ESR2: variants seen among roughly 807,000 people sequenced by gnomAD.
The protein encoded by ESR2 is estrogen receptor beta.
In ESR2, 36 loss-of-function variants were observed where a neutral mutation model predicts 49.6. That is an observed-to-expected ratio of 0.73 (90% confidence interval 0.56 to 0.96). The LOEUF (loss-of-function observed/expected upper bound fraction) is 0.96, where lower values mean the gene tolerates loss of function less well. ESR2 is among the 40% of genes least tolerant of loss of function. ESR2 has a pLI of 0.00. For synonymous variants in ESR2, 320 were observed against 266.1 expected (o/e 1.20, Z -1.97); for missense variants, 714 against 693.0 (o/e 1.03, Z -0.34).
chr14:64,305,168 G>A (rs957204412), intron 1 of ESR2, among the ~76,000 whole-genome samples: 1 of 150,782 alleles, frequency 6.6e-6, no homozygotes, highest in Non-Finnish European at 1.5e-5. Flanking sequence ...GCGGGCGCCT[G>A]TAGTCCCAGC....
chr14:64,334,321 T>A (rs771969638), intron 1 of ESR2, among the ~76,000 whole-genome samples: 9 of 152,214 alleles, frequency 5.9e-5, no homozygotes, highest in Non-Finnish European at 1.5e-5. Flanking sequence ...GAGACACTGA[T>A]TGACTGAGGA....
intron 6 of ESR2, among the ~76,000 whole-genome samples, chr14:64,253,984 C>T (rs569267685): frequency 7.2e-5 from 11 of 151,946 alleles, no homozygotes; most frequent in Non-Finnish European, 1.3e-4. Context: ...TAGATCTTCA[C>T]GTGAATTTAT....
chr14:64,310,324 G>A (rs2077173324), intron 1 of ESR2, among the ~76,000 whole-genome samples: 1 of 134,904 alleles, frequency 7.4e-6, no homozygotes, highest in African/African-American at 3.1e-5. Flanking sequence ...AATAATTCTG[G>A]GTGTAGAGCA....
At chr14:64,295,199 A>ACC (rs3841304), upstream of ESR2, among the ~76,000 whole-genome samples, 6 of 146,306 alleles carry the variant, frequency 4.1e-5, no homozygotes, top group Admixed American at 6.7e-5. Flanking sequence ...CATTGTGAGA[A>ACC]CCCCCCAGTG....
At chr14:64,307,025 G>T (rs1436538002) in intron 1 of ESR2, among the ~76,000 whole-genome samples, 1 of 151,770 alleles carries the variant, frequency 6.6e-6, no homozygotes, top group African/African-American at 2.4e-5. Flanking sequence ...CAAGGGGTTT[G>T]TCCATTTTAT....
At chr14:64,233,439 TC>T (rs1239158440) in intron 8 of ESR2, 116 bp from the exon 9 acceptor site, 68 of 953,812 alleles carry the variant, frequency 7.1e-5, no homozygotes, top group Non-Finnish European at 7.5e-5. Flanking sequence ...AACCCACTCT[TC>T]CCCCAGCCCA....
chr14:64,305,542 A>G lies in ESR2; in HGVS notation c.-90-22467T>C, dbSNP rs553829722. 3.9e-4 allele frequency among the ~76,000 whole-genome samples: 58 copies of G among 149,640 alleles called. No individual in the cohort carries two copies. In the South Asian group the frequency reaches 1.0e-2, roughly 26 times the overall value. On this transcript the variant is annotated intron_variant, in intron 1 of 8. Transcript: ENST00000358599. ...AAAAATTAGGCGGGCGTGGTAGCGG[A>G]CACCTGTAGTCTCAGCTACTTGGGA...
chr14:64,316,889 A>C (rs1449514916), intron 1 of ESR2, among the ~76,000 whole-genome samples: 1 of 152,232 alleles, frequency 6.6e-6, no homozygotes, highest in African/African-American at 2.4e-5. Context: ...AAATATTATC[A>C]AATCAAATTC....
chr14:64,275,503 G>T (rs1300645749), intron 3 of ESR2, among the ~76,000 whole-genome samples: 1 of 152,002 alleles, frequency 6.6e-6, no homozygotes, highest in African/African-American at 2.4e-5. Flanking sequence ...AGGAGTTCGA[G>T]ACCAGCCTGG....
chr14:64,324,992 C>T (rs1034615114), intron 1 of ESR2, among the ~76,000 whole-genome samples: 4 of 152,192 alleles, frequency 2.6e-5, no homozygotes, highest in African/African-American at 9.7e-5. Context: ...ATATTCATTA[C>T]ATTCCACTGT....
rs188329310 is a variant in ESR2 at position 64,233,222 on chromosome 14, C to G, written c.1508G>C (p.Cys503Ser). Residue 503 changes from cysteine (C) to serine (S), a missense_variant, in exon 9 of 9, where the codon TGC (cysteine) becomes TCC (serine). By Grantham distance (112) the Cys-to-Ser change is moderately radical. Transcript: ENST00000341099. ...CTCGGACCCCGTGATGGAGGACTTG[C>G]ACCCGCGAAGCACGTGGGCATTCAG... ...EMLNAHVLRG[C>S]KSSITGSECS... The G allele has an allele frequency of 6.2e-7, 1 of 1,614,230 alleles. No homozygotes were observed. The highest frequency in any genetic ancestry group is 1.7e-5 in the Admixed American group (1 of 60,030).
chr14:64,319,063 T>C (rs1405762686), intron 1 of ESR2, among the ~76,000 whole-genome samples: 1 of 148,802 alleles, frequency 6.7e-6, no homozygotes, highest in East Asian at 1.9e-4. Context: ...AAAAAAAAAG[T>C]CTAAATGAGG....
intron 6 of ESR2, among the ~76,000 whole-genome samples, chr14:64,250,017 A>T (rs577878062): frequency 6.6e-6 from 1 of 152,354 alleles, no homozygotes; most frequent in East Asian, 1.9e-4. Context: ...ATTGTTTTCA[A>T]TCAAAACCAT....
At chr14:64,327,725 T>C (rs1596498447) in intron 1 of ESR2, among the ~76,000 whole-genome samples, 2 of 150,512 alleles carry the variant, frequency 1.3e-5, no homozygotes, top group East Asian at 3.9e-4. Context: ...AAAAATTAGC[T>C]GGGTATGGTG....
At chr14:64,269,278 T>C (rs2076391748) in intron 3 of ESR2, among the ~76,000 whole-genome samples, 1 of 152,278 alleles carries the variant, frequency 6.6e-6, no homozygotes, top group Non-Finnish European at 1.5e-5. Flanking sequence ...CAACTTCTTA[T>C]ATTCTTTTAC....
intron 4 of ESR2, 91 bp downstream of exon 4, chr14:64,268,701 ATCT>A: frequency 1.3e-6 from 1 of 742,604 alleles, no homozygotes; most frequent in Non-Finnish European, 2.4e-6. Flanking sequence ...TATGTCCCAA[ATCT>A]TCTCTTTTCC....
chr14:64,305,630 C>T (rs999658334), intron 1 of ESR2, among the ~76,000 whole-genome samples: 2 of 151,982 alleles, frequency 1.3e-5, no homozygotes, highest in Middle Eastern at 3.4e-3. Flanking sequence ...AAGATCGCAC[C>T]ACTGCACTCC....
At chr14:64,263,520 G>A (rs886390586) in intron 4 of ESR2, among the ~76,000 whole-genome samples, 3 of 152,084 alleles carry the variant, frequency 2.0e-5, no homozygotes, top group African/African-American at 7.2e-5. Flanking sequence ...ACCCAGGCAT[G>A]GTGGTGCATT....
chr14:64,252,814 G>T (rs2076015178), intron 6 of ESR2, among the ~76,000 whole-genome samples: 1 of 152,084 alleles, frequency 6.6e-6, no homozygotes, highest in Admixed American at 6.6e-5. Flanking sequence ...GATGAGATTT[G>T]CTGGGGACAC....
Sources: gnomAD v4.1 joint callset for allele counts (sites outside exome capture counted in the v4.1 genomes callset) on GRCh38, gnomAD v4.1.1 for gene constraint, MANE v1.5 for transcripts, NCBI Gene and HGNC (gene_info 2026-07-23, HGNC 2026-07-21) for gene names.